Variants in KHDRBS2 observed in about 807,000 individuals in gnomAD.
The protein encoded by KHDRBS2 is KH domain-containing, RNA-binding, signal transduction-associated protein 2.
KHDRBS2 carries 26 observed loss-of-function variants against 44.3 expected under a neutral mutation model. The ratio of observed to expected loss-of-function variants is 0.59; its 90% CI spans 0.43 to 0.81. The LOEUF (loss-of-function observed/expected upper bound fraction) is 0.81, where lower values mean the gene tolerates loss of function less well. Ranked by LOEUF, KHDRBS2 falls within the 40% of genes least tolerant of loss-of-function variation. The probability of loss-of-function intolerance (pLI) is 0.00; values close to 1 mark genes in which losing one functional copy is unlikely to be tolerated. For missense variants in KHDRBS2, 476 were observed against 433.1 expected (o/e 1.10, Z -0.88); for synonymous variants, 194 against 151.1 (o/e 1.28, Z -2.08).
At chr6:62,011,114 A>G (rs964545206) in intron 3 of KHDRBS2, among the ~76,000 whole-genome samples, 5 of 152,094 alleles carry the variant, frequency 3.3e-5, no homozygotes, top group African/African-American at 9.7e-5. Flanking sequence ...ATATATGTCT[A>G]AAAACGTACA....
chr6:62,078,511 C>A (rs1796777300), intron 2 of KHDRBS2, among the ~76,000 whole-genome samples: 2 of 151,512 alleles, frequency 1.3e-5, no homozygotes, highest in Non-Finnish European at 2.9e-5. Context: ...CTATTTTCCC[C>A]AAAACAAAGA....
At chr6:61,716,826 C>T (rs1250958994) in intron 7 of KHDRBS2, among the ~76,000 whole-genome samples, 1 of 152,036 alleles carries the variant, frequency 6.6e-6, no homozygotes, top group Non-Finnish European at 1.5e-5. Context: ...GTCCTTAATG[C>T]TGGGCTTTTT....
intron 6 of KHDRBS2, among the ~76,000 whole-genome samples, chr6:61,885,970 A>G (rs1357072098): frequency 6.6e-6 from 1 of 152,056 alleles, no homozygotes; most frequent in Non-Finnish European, 1.5e-5. Flanking sequence ...TGCATTTGCC[A>G]TCAAACCCTA....
chr6:61,794,780 T>C (rs886390053), intron 6 of KHDRBS2, among the ~76,000 whole-genome samples: 1 of 152,100 alleles, frequency 6.6e-6, no homozygotes, highest in African/African-American at 2.4e-5. Context: ...TAACATAGTA[T>C]ATCCCTCAAT....
intron 6 of KHDRBS2, among the ~76,000 whole-genome samples, chr6:61,764,180 G>A (rs527780689): frequency 2.0e-5 from 3 of 152,276 alleles, no homozygotes; most frequent in East Asian, 1.9e-4. Context: ...TTTTAGGAGT[G>A]CATAGTATTC....
chr6:61,708,644 A>G (rs1214104536), intron 7 of KHDRBS2, among the ~76,000 whole-genome samples: 1 of 151,732 alleles, frequency 6.6e-6, no homozygotes, highest in East Asian at 1.9e-4. Flanking sequence ...GTATAAATGT[A>G]ACATAACTTT....
chr6:62,200,302 G>A (rs531330478), intron 1 of KHDRBS2, among the ~76,000 whole-genome samples: 1 of 152,012 alleles, frequency 6.6e-6, no homozygotes, highest in Admixed American at 6.6e-5. Context: ...ACAGGCAACT[G>A]ACAGAATGGG....
intron 1 of KHDRBS2, among the ~76,000 whole-genome samples, chr6:62,276,858 G>A (rs1420366580): frequency 6.6e-6 from 1 of 152,154 alleles, no homozygotes; most frequent in Non-Finnish European, 1.5e-5. Context: ...GTTACACGTG[G>A]CATCTAGGTG....
At chr6:62,060,297 G>C (rs527693321) in intron 2 of KHDRBS2, among the ~76,000 whole-genome samples, 1 of 151,924 alleles carries the variant, frequency 6.6e-6, no homozygotes, top group South Asian at 2.1e-4. Flanking sequence ...GGCTGGGGGT[G>C]AGTGGGAAGT....
At chr6:62,157,564 T>C (rs1816732022) in intron 2 of KHDRBS2, among the ~76,000 whole-genome samples, 2 of 152,176 alleles carry the variant, frequency 1.3e-5, no homozygotes, top group Non-Finnish European at 1.5e-5. Context: ...ACAGGAAATG[T>C]AGTATTGAAG....
chr6:61,776,609 A>T (rs959548496), intron 6 of KHDRBS2, among the ~76,000 whole-genome samples: 9 of 152,192 alleles, frequency 5.9e-5, no homozygotes, highest in African/African-American at 2.2e-4. Context: ...CACCAGTTAG[A>T]ATGGTGATCA....
the KHDRBS2 span, among the ~76,000 whole-genome samples, chr6:61,609,452 T>C: frequency 1.8e-4 from 27 of 152,362 alleles, no homozygotes; most frequent in Middle Eastern, 3.4e-3. Context: ...TATGTAGCTA[T>C]TTATAATGTT....
chr6:62,067,941 A>AT (rs1224994385), intron 2 of KHDRBS2, among the ~76,000 whole-genome samples: 1 of 151,592 alleles, frequency 6.6e-6, no homozygotes, highest in African/African-American at 2.4e-5. Context: ...TATTTTGTCT[A>AT]TTTAACAGCG....
intron 6 of KHDRBS2, among the ~76,000 whole-genome samples, chr6:61,832,778 G>A (rs1792031514): frequency 1.3e-5 from 2 of 152,134 alleles, no homozygotes; most frequent in African/African-American, 2.4e-5. Flanking sequence ...TGGTGTATCT[G>A]GAACCTAAGA....
At chr6:61,908,478 C>T (rs886118516) in intron 4 of KHDRBS2, among the ~76,000 whole-genome samples, 3 of 151,594 alleles carry the variant, frequency 2.0e-5, no homozygotes, top group African/African-American at 7.3e-5. Flanking sequence ...ACTAAAAATA[C>T]AAAAAATTAG....
At chr6:61,711,687 T>C (rs367964341) in intron 7 of KHDRBS2, among the ~76,000 whole-genome samples, 17 of 151,934 alleles carry the variant, frequency 1.1e-4, no homozygotes, top group African/African-American at 3.9e-4. Flanking sequence ...CAGTCAACTC[T>C]CATCTGATAT....
At chr6:61,920,367 T>C (rs1280058308) in intron 4 of KHDRBS2, among the ~76,000 whole-genome samples, 2 of 151,912 alleles carry the variant, frequency 1.3e-5, no homozygotes, top group African/African-American at 4.8e-5. Context: ...TGTAAATTGC[T>C]CAAAATGGTA....
intron 4 of KHDRBS2, among the ~76,000 whole-genome samples, chr6:61,974,759 C>A (rs1185889969): frequency 6.6e-6 from 1 of 151,450 alleles, no homozygotes; most frequent in African/African-American, 2.4e-5. Context: ...GGTGAAACCT[C>A]ATCTCTACTA....
chr6:61,708,240 A>C (rs1393272331), intron 7 of KHDRBS2, among the ~76,000 whole-genome samples: 1 of 151,616 alleles, frequency 6.6e-6, no homozygotes, highest in Admixed American at 6.6e-5. Flanking sequence ...AAACTCCCTA[A>C]ATAACTTTTA....
Sources: gnomAD v4.1 joint callset for allele counts (sites outside exome capture counted in the v4.1 genomes callset) on GRCh38, gnomAD v4.1.1 for gene constraint, MANE v1.5 for transcripts, NCBI Gene and HGNC (gene_info 2026-07-23, HGNC 2026-07-21) for gene names.